The following TRHDE variants were observed in gnomAD, a reference collection of about 807,000 sequenced individuals.
TRHDE encodes the protein thyrotropin-releasing hormone-degrading ectoenzyme.
Under a neutral mutation model 125.7 loss-of-function variants are expected in TRHDE, and 72 were observed. That is an observed-to-expected ratio of 0.57 (90% CI 0.47 to 0.70). TRHDE has a LOEUF of 0.70. Ranked by LOEUF, TRHDE falls within the 30% of genes least tolerant of loss-of-function variation. The probability of loss-of-function intolerance (pLI) is 0.00; values close to 1 mark genes in which losing one functional copy is unlikely to be tolerated. For synonymous variants in TRHDE, 509 were observed against 509.1 expected, an observed-to-expected ratio of 1.00 and a Z score of 0.00; for missense variants, 1,110 against 1,327.1, an observed-to-expected ratio of 0.84 and a Z score of 2.54.
At chr12:72,438,947 G>A (rs188054538) in intron 3 of TRHDE, among the ~76,000 whole-genome samples, 37 of 151,194 alleles carry the variant, frequency 2.4e-4, no homozygotes, top group African/African-American at 8.2e-4. Context: ...TTATGTGTAA[G>A]TCTTTAATCC....
intron 2 of TRHDE, chr12:72,147,476 T>C (rs1044591540): frequency 5.9e-5 from 9 of 152,180 alleles, no homozygotes; most frequent in African/African-American, 2.2e-4. Context: ...AGTAATAGGC[T>C]AAATTGCATC....
chr12:72,411,119 T>C (rs1457818097), intron 3 of TRHDE, among the ~76,000 whole-genome samples: 5 of 149,354 alleles, frequency 3.3e-5, no homozygotes, highest in South Asian at 4.2e-4. Context: ...AGGAGAATGG[T>C]GTGAACCCAG....
At chr12:72,120,007 T>C (rs1387691738) in intron 2 of TRHDE, among the ~76,000 whole-genome samples, 1 of 152,136 alleles carries the variant, frequency 6.6e-6, no homozygotes, top group African/African-American at 2.4e-5. Flanking sequence ...CTGGAGAGCT[T>C]AGTCCATTTA....
In TRHDE at chr12:72,579,274, A is replaced by C. The variant is rs192660889; in HGVS notation, c.2321+3732A>C. Reference sequence around the variant, plus strand: ...GCCCAATTTCCTCAAATCCTGCATTATAATGAATGGTATATATTTTTTAAA... The same window carrying C: ...GCCCAATTTCCTCAAATCCTGCATTCTAATGAATGGTATATATTTTTTAAA... On this transcript the variant is annotated intron_variant, in intron 12 of 18. Coordinates refer to ENST00000261180, the MANE Select transcript of TRHDE (RefSeq NM_013381.3). Among the ~76,000 whole-genome samples, 489 of 152,190 alleles carry C rather than the reference A, an allele frequency of 3.2e-3. 3 individuals carry two copies. The highest frequency in any genetic ancestry group is 5.4e-3 in the South Asian group (26 of 4,824).
chr12:72,297,493 G>C (rs552653236), intron 2 of TRHDE, among the ~76,000 whole-genome samples: 4 of 152,140 alleles, frequency 2.6e-5, no homozygotes, highest in Non-Finnish European at 5.9e-5. Flanking sequence ...GGTTGTGTTG[G>C]AACAAGCGTC....
intron 3 of TRHDE, among the ~76,000 whole-genome samples, chr12:72,425,991 C>A (rs1352854586): frequency 6.6e-5 from 10 of 152,054 alleles, no homozygotes; most frequent in Admixed American, 5.9e-4. Context: ...TGCCAATAAA[C>A]CCTGGTGACA....
Position 72,549,914 on chromosome 12 carries a change from AC to A in TRHDE, c.1788+7560del, listed in dbSNP as rs367835988. ...TTTGCTTCTAATTTAAAGGTTGTTA[AC>A]CGACCAATGTGGCTATATAATATTA... On this transcript the variant is annotated intron_variant, in intron 7 of 18. Coordinates refer to ENST00000261180, the MANE Select transcript of TRHDE (RefSeq NM_013381.3). 3.1e-3 allele frequency among the ~76,000 whole-genome samples: 475 copies of A among 151,858 alleles called. 3 individuals are homozygous for A. Among genetic ancestry groups the A allele is most frequent in the African/African-American group, 0.011 (457 of 41,504 alleles).
At chr12:72,173,644 G>T (rs947607395) in intron 2 of TRHDE, among the ~76,000 whole-genome samples, 1 of 152,078 alleles carries the variant, frequency 6.6e-6, no homozygotes, top group East Asian at 1.9e-4. Context: ...ACTTAAAAAA[G>T]GATTTTATTA....
At chr12:72,334,908 G>C (rs1357457206) in intron 2 of TRHDE, among the ~76,000 whole-genome samples, 1 of 152,188 alleles carries the variant, frequency 6.6e-6, no homozygotes. Flanking sequence ...GGACGGAAGA[G>C]AGCATGGCAA....
At chr12:72,133,922 G>A (rs1193403040) in intron 2 of TRHDE, among the ~76,000 whole-genome samples, 1 of 152,192 alleles carries the variant, frequency 6.6e-6, no homozygotes, top group Non-Finnish European at 1.5e-5. Context: ...GATAGGTGAT[G>A]TTGCTGACTG....
At chr12:72,505,773 TTTGAAAATCC>T (rs1262646923) in intron 6 of TRHDE, among the ~76,000 whole-genome samples, 1 of 152,182 alleles carries the variant, frequency 6.6e-6, no homozygotes, top group Non-Finnish European at 1.5e-5. Context: ...ACACCTTATA[TTTGAAAATCC>T]TTTGACCAAC....
Position 72,661,915 on chromosome 12 carries a change from C to T in TRHDE, c.3067-1137C>T, listed in dbSNP as rs561714306. On this transcript the variant is annotated intron_variant, in intron 18 of 18. Transcript: ENST00000261180. ...GAGATACAGTTATCCATTGCTAATGCTGCTGGGCAAAGGGCTTTGTAGGAA... is the reference window on the plus strand; with the variant it reads ...GAGATACAGTTATCCATTGCTAATGTTGCTGGGCAAAGGGCTTTGTAGGAA... Among the ~76,000 whole-genome samples, 3 of 152,300 alleles carry T rather than the reference C, an allele frequency of 2.0e-5. No homozygotes were observed. In the East Asian group the frequency reaches 5.8e-4, roughly 29 times the overall value.
chr12:72,260,896 C>A (rs1031423663), intron 2 of TRHDE, among the ~76,000 whole-genome samples: 1 of 152,156 alleles, frequency 6.6e-6, no homozygotes, highest in Admixed American at 6.5e-5. Context: ...AGAAAGGAAT[C>A]ATGCCAATAG....
intron 2 of TRHDE, among the ~76,000 whole-genome samples, chr12:72,240,804 C>T (rs1391411766): frequency 6.6e-6 from 1 of 152,102 alleles, no homozygotes. Context: ...GATTTCCTGA[C>T]CTCGTGATCC....
At chr12:72,392,680 G>T (rs1334163288) in intron 3 of TRHDE, among the ~76,000 whole-genome samples, 1 of 152,192 alleles carries the variant, frequency 6.6e-6, no homozygotes, top group African/African-American at 2.4e-5. Flanking sequence ...TACTAAAACA[G>T]ATGGTTGGCC....
intron 2 of TRHDE, among the ~76,000 whole-genome samples, chr12:72,151,241 G>C (rs1297560899): frequency 6.6e-6 from 1 of 151,826 alleles, no homozygotes; most frequent in Admixed American, 6.6e-5. Flanking sequence ...CTTTTTGATG[G>C]AGTTGTTTTT....
intron 7 of TRHDE, among the ~76,000 whole-genome samples, chr12:72,547,376 C>T (rs1369111446): frequency 6.6e-6 from 1 of 151,664 alleles, no homozygotes; most frequent in African/African-American, 2.4e-5. Flanking sequence ...TGCTTGTGGT[C>T]TGTAATGTCC....
intron 7 of TRHDE, among the ~76,000 whole-genome samples, chr12:72,544,363 T>G (rs1045721462): frequency 2.4e-4 from 37 of 151,466 alleles, no homozygotes; most frequent in Non-Finnish European, 1.2e-4. Context: ...GGAGTCTTGG[T>G]TTACAAGTTG....
chr12:72,420,555 G>GA (rs1455826637), intron 3 of TRHDE, among the ~76,000 whole-genome samples: 1 of 152,116 alleles, frequency 6.6e-6, no homozygotes, highest in Non-Finnish European at 1.5e-5. Flanking sequence ...ATAGATAGGG[G>GA]AATCTGAAAA....
Sources: gnomAD v4.1 joint callset for allele counts (sites outside exome capture counted in the v4.1 genomes callset) on GRCh38, gnomAD v4.1.1 for gene constraint, MANE v1.5 for transcripts, NCBI Gene and HGNC (gene_info 2026-07-23, HGNC 2026-07-21) for gene names.